The following RXFP1 variants were observed in gnomAD, a reference collection of about 807,000 sequenced individuals.
RXFP1 encodes relaxin receptor 1.
A neutral mutation model predicts 89.8 loss-of-function variants in RXFP1; 73 were observed. The ratio of observed to expected loss-of-function variants is 0.81; its 90% confidence interval spans 0.67 to 0.99. The LOEUF (loss-of-function observed/expected upper bound fraction) is 0.99. Ranked by LOEUF, RXFP1 falls within the 50% of genes least tolerant of loss-of-function variation. The probability of loss-of-function intolerance (pLI) is 0.00; values close to 1 mark genes in which losing one functional copy is unlikely to be tolerated. For missense variants in RXFP1, 793 were observed against 895.5 expected (o/e 0.89, Z 1.46); for synonymous variants, 277 against 305.5 (o/e 0.91, Z 0.97).
intron 1 of RXFP1, among the ~76,000 whole-genome samples, chr4:158,564,931 C>T (rs1753239320): frequency 6.6e-6 from 1 of 152,206 alleles, no homozygotes; most frequent in Non-Finnish European, 1.5e-5. Context: ...TGCCTTTCTA[C>T]TTCTGTTCCT....
intron 1 of RXFP1, among the ~76,000 whole-genome samples, chr4:158,562,278 A>T (rs1752608551): frequency 6.6e-6 from 1 of 152,008 alleles, no homozygotes; most frequent in African/African-American, 2.4e-5. Flanking sequence ...CACATATTTC[A>T]CTTTGGGAGG....
At chr4:158,578,461 GTTC>G (rs1265303492) in intron 2 of RXFP1, among the ~76,000 whole-genome samples, 7 of 152,186 alleles carry the variant, frequency 4.6e-5, no homozygotes, top group Admixed American at 3.9e-4. Context: ...AAAGTTGAGG[GTTC>G]TTCTTTAGGA....
At chr4:158,631,944 TTA>T (rs1186298740) in intron 11 of RXFP1, among the ~76,000 whole-genome samples, 4 of 152,090 alleles carry the variant, frequency 2.6e-5, no homozygotes, top group Non-Finnish European at 4.4e-5. Context: ...AATACAAAGA[TTA>T]GCTGGGCATG....
intron 4 of RXFP1, among the ~76,000 whole-genome samples, chr4:158,601,706 T>A (rs1761724011): frequency 6.6e-6 from 1 of 152,214 alleles, no homozygotes; most frequent in Non-Finnish European, 1.5e-5. Context: ...GACTTTGAGT[T>A]GGAACTATTA....
intron 1 of RXFP1, among the ~76,000 whole-genome samples, chr4:158,541,662 C>T (rs768940147): frequency 3.9e-5 from 6 of 152,060 alleles, no homozygotes; most frequent in Non-Finnish European, 8.8e-5. Flanking sequence ...TCCCCATTTA[C>T]TTTATCTCCT....
rs368205407 is a variant in RXFP1 at position 158,632,343 on chromosome 4, G to A, written c.900-1062G>A. Among the ~76,000 whole-genome samples, 9 of 152,154 alleles carry A rather than the reference G, an allele frequency of 5.9e-5. No homozygotes were observed. The East Asian group carries it at 9.7e-4, about 16-fold the overall frequency. On this transcript the variant is annotated intron_variant, in intron 11 of 17. Transcript: ENST00000307765. ...ACCCTTCGAGGTCAAAAAATCTAAC[G>A]TTTGCCTTATAAGCAAACCAGCATA...
intron 1 of RXFP1, among the ~76,000 whole-genome samples, chr4:158,561,127 CT>C: frequency 6.6e-6 from 1 of 152,320 alleles, no homozygotes; most frequent in East Asian, 1.9e-4. Context: ...ATCTCCTTCA[CT>C]TTTTAGTTTA....
chr4:158,530,191 T>C (rs1300928581), intron 1 of RXFP1, among the ~76,000 whole-genome samples: 1 of 152,240 alleles, frequency 6.6e-6, no homozygotes, highest in African/African-American at 2.4e-5. Context: ...AAAATTTATA[T>C]GCGTGTGTGC....
chr4:158,600,669 A>T (rs1237130982), intron 4 of RXFP1, among the ~76,000 whole-genome samples: 5 of 152,128 alleles, frequency 3.3e-5, no homozygotes, highest in Non-Finnish European at 5.9e-5. Context: ...ACTACAAAAA[A>T]AAATAAAAAT....
intron 2 of RXFP1, among the ~76,000 whole-genome samples, chr4:158,592,014 T>C (rs1228372625): frequency 6.6e-6 from 1 of 152,188 alleles, no homozygotes; most frequent in Admixed American, 6.5e-5. Context: ...GTCCACTCTA[T>C]CACTTGCTTG....
At chr4:158,525,076 G>C (rs556142989) in intron 1 of RXFP1, among the ~76,000 whole-genome samples, 1 of 152,242 alleles carries the variant, frequency 6.6e-6, no homozygotes, top group African/African-American at 2.4e-5. Flanking sequence ...AAAAGGAAGA[G>C]ACAATTCCAG....
chr4:158,546,748 C>T (rs1341179972), intron 1 of RXFP1, among the ~76,000 whole-genome samples: 6 of 151,924 alleles, frequency 3.9e-5, no homozygotes, highest in East Asian at 3.8e-4. Context: ...TGCTGGATTA[C>T]GTTTATTGAT....
chr4:158,540,557 G>C (rs987292874), intron 1 of RXFP1, among the ~76,000 whole-genome samples: 1 of 150,902 alleles, frequency 6.6e-6, no homozygotes, highest in Non-Finnish European at 1.5e-5. Context: ...CCTGTATCTT[G>C]TACCAACCTC....
intron 2 of RXFP1, among the ~76,000 whole-genome samples, chr4:158,573,276 G>A (rs1303878124): frequency 6.6e-6 from 1 of 152,080 alleles, no homozygotes; most frequent in Non-Finnish European, 1.5e-5. Context: ...CCATAGTGCC[G>A]GGATTACAGG....
At chr4:158,568,357 T>C (rs923888224) in intron 1 of RXFP1, among the ~76,000 whole-genome samples, 15 of 152,180 alleles carry the variant, frequency 9.9e-5, no homozygotes, top group African/African-American at 3.4e-4. Context: ...AAAGATAATA[T>C]TCAGAAAAGT....
At chr4:158,547,384 T>A (rs1748742621) in intron 1 of RXFP1, among the ~76,000 whole-genome samples, 1 of 152,212 alleles carries the variant, frequency 6.6e-6, no homozygotes, top group South Asian at 2.1e-4. Flanking sequence ...ATTTTGTTGA[T>A]CCTTTCAAAA....
In RXFP1 at chr4:158,595,280, A is replaced by G. The variant is rs138629863; in HGVS notation, c.286+1781A>G. On this transcript the variant is annotated intron_variant, in intron 3 of 17. Coordinates refer to ENST00000307765, the MANE Select transcript of RXFP1 (RefSeq NM_021634.4). The stretch of plus-strand genomic sequence containing the variant: ...GGGCAGCTTTGAATGGAAAACAGTC[A>G]TGAATGAGCAATCAATGGCTATTCA... Among the ~76,000 whole-genome samples the G allele has an allele frequency of 2.6e-3, 395 of 152,374 alleles. No homozygotes were observed. In the East Asian group the frequency reaches 0.029, roughly 11 times the overall value.
chr4:158,540,456 A>G (rs983635996), intron 1 of RXFP1, among the ~76,000 whole-genome samples: 2 of 151,940 alleles, frequency 1.3e-5, no homozygotes, highest in Non-Finnish European at 2.9e-5. Flanking sequence ...AGCAGTGAGA[A>G]GCCAGAGGTC....
intron 1 of RXFP1, among the ~76,000 whole-genome samples, chr4:158,527,229 A>G (rs1742733934): frequency 1.3e-5 from 2 of 152,130 alleles, no homozygotes; most frequent in Admixed American, 6.5e-5. Context: ...ATATAATTAT[A>G]TGAGTTATTC....
Sources: allele counts gnomAD v4.1 joint callset (sites outside exome capture counted in the v4.1 genomes callset), GRCh38; gene constraint gnomAD v4.1.1; transcripts MANE v1.5; gene names NCBI Gene and HGNC (gene_info 2026-07-23, HGNC 2026-07-21).